The following MYLK4 variants were observed in gnomAD, a reference collection of about 807,000 sequenced individuals.
The protein encoded by MYLK4 is myosin light chain kinase family member 4.
Under a neutral mutation model 48.1 loss-of-function variants are expected in MYLK4, and 46 were observed. The ratio of observed to expected loss-of-function variants is 0.96; its 90% CI spans 0.75 to 1.22. The LOEUF is 1.22. Among genes scored for constraint, MYLK4 ranks in the 50% most tolerant of loss-of-function variants. MYLK4 has a pLI of 0.00. For synonymous variants in MYLK4, 170 were observed against 180.8 expected, an observed-to-expected ratio of 0.94 and a Z score of 0.48; for missense variants, 451 against 486.1, an observed-to-expected ratio of 0.93 and a Z score of 0.68.
At chr6:2,676,962 G>T (rs944951493) in intron 10 of MYLK4, among the ~76,000 whole-genome samples, 8 of 152,052 alleles carry the variant, frequency 5.3e-5, no homozygotes, top group Admixed American at 6.6e-5. Context: ...CACTGCCTTG[G>T]GTAGAGTAAT....
intron 2 of MYLK4, among the ~76,000 whole-genome samples, chr6:2,742,681 A>G (rs1418309284): frequency 7.1e-6 from 1 of 141,576 alleles, no homozygotes. Flanking sequence ...GAACACGTGG[A>G]CACAGGAAGG....
intron 2 of MYLK4, among the ~76,000 whole-genome samples, chr6:2,732,025 C>G (rs1291005321): frequency 6.6e-6 from 1 of 152,208 alleles, no homozygotes; most frequent in African/African-American, 2.4e-5. Flanking sequence ...GAAGCCTAAA[C>G]AGACCTGGAA....
intron 3 of MYLK4, among the ~76,000 whole-genome samples, chr6:2,691,667 G>T (rs955462508): frequency 6.6e-6 from 1 of 152,162 alleles, no homozygotes; most frequent in Non-Finnish European, 1.5e-5. Context: ...GATATGTTCT[G>T]TATTGCTAAA....
chr6:2,697,731 G>A (rs758512187), intron 2 of MYLK4, among the ~76,000 whole-genome samples: 3 of 152,244 alleles, frequency 2.0e-5, no homozygotes, highest in Non-Finnish European at 4.4e-5. Flanking sequence ...GATAAGGGCT[G>A]CTCCTCTGGA....
chr6:2,679,458 G>A (rs375961674), intron 8 of MYLK4, 50 bp from the exon 9 acceptor site: 101 of 1,608,620 alleles, frequency 6.3e-5, no homozygotes, highest in Non-Finnish European at 7.9e-5. Context: ...ATCAAAAATC[G>A]TGAACACTGA....
chr6:2,722,678 TAAC>T (rs2113293607), intron 2 of MYLK4, among the ~76,000 whole-genome samples: 1 of 152,026 alleles, frequency 6.6e-6, no homozygotes, highest in African/African-American at 2.4e-5. Context: ...TGGAGGTAAA[TAAC>T]AAAAGAATCA....
chr6:2,682,360 A>C (rs1271162718), intron 7 of MYLK4, among the ~76,000 whole-genome samples: 1 of 18,806 alleles, frequency 5.3e-5, no homozygotes, highest in Non-Finnish European at 1.8e-4. Flanking sequence ...GATTCTAGGA[A>C]CTTCATAATG....
intron 2 of MYLK4, among the ~76,000 whole-genome samples, chr6:2,703,253 T>C (rs1209620921): frequency 6.6e-6 from 1 of 152,194 alleles, no homozygotes; most frequent in Non-Finnish European, 1.5e-5. Context: ...GAGTATCATA[T>C]GAAGGCATGT....
intron 2 of MYLK4, among the ~76,000 whole-genome samples, chr6:2,746,199 G>A (rs1422079472): frequency 7.9e-5 from 12 of 151,188 alleles, no homozygotes; most frequent in East Asian, 2.0e-4. Context: ...CCTGGGAGAC[G>A]GAGGTTGCAG....
At chr6:2,680,135 G>A in intron 8 of MYLK4, 86 bp downstream of exon 8, 1 of 1,415,976 alleles carries the variant, frequency 7.1e-7, no homozygotes, top group Non-Finnish European at 9.7e-7. Flanking sequence ...TGAAACCAAA[G>A]AGCAGATCAG....
At chr6:2,743,946 C>T (rs148860777) in intron 2 of MYLK4, 49 of 398,732 alleles carry the variant, frequency 1.2e-4, no homozygotes, top group Non-Finnish European at 1.5e-4. Context: ...CGGGTCATCA[C>T]GAACCGGATC....
rs115325266 is a variant in MYLK4 at position 2,721,801 on chromosome 6, T to C, written c.159+27335A>G. On this transcript the variant is annotated intron_variant, in intron 2 of 12. Transcript: ENST00000274643. The stretch of plus-strand genomic sequence containing the variant: ...CCCAAGTTGCTAGAGAGAGAAAATA[T>C]AGGCCACACACAAAAGATCAGGATT... Among the ~76,000 whole-genome samples, 503 of 152,318 alleles carry C rather than the reference T, an allele frequency of 3.3e-3. 4 individuals carry two copies. Among genetic ancestry groups the C allele is most frequent in the African/African-American group, 0.012 (489 of 41,568 alleles).
intron 2 of MYLK4, among the ~76,000 whole-genome samples, chr6:2,694,699 C>T (rs1278292139): frequency 2.2e-5 from 3 of 138,170 alleles, no homozygotes; most frequent in Non-Finnish European, 3.2e-5. Flanking sequence ...TGTGCACACA[C>T]ATTATGTACC....
intron 2 of MYLK4, among the ~76,000 whole-genome samples, chr6:2,726,390 G>A (rs1264050815): frequency 6.6e-6 from 1 of 152,192 alleles, no homozygotes; most frequent in African/African-American, 2.4e-5. Flanking sequence ...TGTTAGGCGA[G>A]TAGCTGGCCT....
chr6:2,685,349 G>A lies in MYLK4; in HGVS notation c.492C>T (p.Ile164=). ...VMNQLDHANL[I]QLYDAFESKN... ...TAGACTCGAAGGCATCGTACAGCTG[G>A]ATGAGGTTCGCGTGGTCCAGCTGGT... Residue 164 remains isoleucine, a synonymous_variant, in exon 6 of 13, where the codon ATC becomes ATT. Transcript: ENST00000274643. This position sits in a 1 kb window ranked among gnomAD's most constrained non-coding sequence, Gnocchi z 4.5. 1 of 1,609,656 alleles carries A rather than the reference G, an allele frequency of 6.2e-7. No individual in the cohort carries two copies. The highest frequency in any genetic ancestry group is 2.2e-5 in the East Asian group (1 of 44,552).
At chr6:2,710,756 C>T (rs1330826711) in intron 2 of MYLK4, among the ~76,000 whole-genome samples, 1 of 152,196 alleles carries the variant, frequency 6.6e-6, no homozygotes, top group Non-Finnish European at 1.5e-5. Flanking sequence ...CTAGACCAAA[C>T]CCCTGGTGTT....
chr6:2,749,450 G>A, intron 1 of MYLK4, 44 bp from the exon 2 acceptor site: 1 of 517,702 alleles, frequency 1.9e-6, no homozygotes, highest in East Asian at 2.9e-5. Flanking sequence ...ACGTATTCAT[G>A]CATTTGACTT....
rs1761216717 is a variant in MYLK4 at position 2,679,553 on chromosome 6, GC to G, written c.759-146del. 3.6e-5 allele frequency: 39 copies of G among 1,080,138 alleles called. No homozygotes were observed. In the South Asian group the frequency reaches 5.0e-4, roughly 14 times the overall value. The allele number at this position is 1,080,138 out of a possible 1,614,324, so 66.9% of individuals were successfully genotyped here. On this transcript the variant is annotated intron_variant, in intron 8 of 12. Transcript: ENST00000274643. Reference sequence around the variant, plus strand: ...ACATTGAAGGAAATCAAACAATCAAGCAAGAGGCTCAAAAACTTGTAAAGAG... The same window carrying G: ...ACATTGAAGGAAATCAAACAATCAAGAAGAGGCTCAAAAACTTGTAAAGAG...
the MYLK4 span, among the ~76,000 whole-genome samples, chr6:2,763,221 G>A: frequency 3.9e-5 from 6 of 152,214 alleles, no homozygotes; most frequent in Non-Finnish European, 5.9e-5. Flanking sequence ...CCCTTAGCTA[G>A]ACATAAAGGT....
Sources: allele counts gnomAD v4.1 joint callset (sites outside exome capture counted in the v4.1 genomes callset), GRCh38; gene constraint gnomAD v4.1.1; non-coding constraint Gnocchi (gnomAD v3.1); transcripts MANE v1.5; gene names NCBI Gene and HGNC (gene_info 2026-07-23, HGNC 2026-07-21).